VPS53: variants seen among roughly 807,000 people sequenced by gnomAD.
The protein encoded by VPS53 is VPS53 subunit of GARP complex.
In VPS53, 70 loss-of-function variants were observed where a neutral mutation model predicts 107.0. The observed-to-expected ratio is 0.65, with a 90% CI of 0.54 to 0.80. The LOEUF is 0.80. VPS53 is among the 30% of genes least tolerant of loss of function. The probability of loss-of-function intolerance (pLI) is 0.00; values close to 1 mark genes in which losing one functional copy is unlikely to be tolerated. For missense variants in VPS53, 917 were observed against 1,049.4 expected, an observed-to-expected ratio of 0.87 and a Z score of 1.74; for synonymous variants, 409 against 393.3, an observed-to-expected ratio of 1.04 and a Z score of -0.47.
At chr17:562,922 A>G (rs1174416018) in intron 13 of VPS53, among the ~76,000 whole-genome samples, 177 bp from the exon 14 acceptor site, 2 of 152,148 alleles carry the variant, frequency 1.3e-5, no homozygotes, top group African/African-American at 4.8e-5. Flanking sequence ...CCACTCCTAC[A>G]ACAGCAGTAA....
chr17:562,142 G>C (rs1212399601), intron 14 of VPS53, among the ~76,000 whole-genome samples: 1 of 152,202 alleles, frequency 6.6e-6, no homozygotes, highest in Non-Finnish European at 1.5e-5. Flanking sequence ...AAAGAGGCTT[G>C]GGTGAAACTG....
chr17:566,479 T>C, intron 13 of VPS53, among the ~76,000 whole-genome samples: 1 of 152,142 alleles, frequency 6.6e-6, no homozygotes, highest in Non-Finnish European at 1.5e-5. Context: ...CCGCCCGTCA[T>C]GCCAATGAGT....
chr17:658,672 C>T (rs1170035176), intron 5 of VPS53, among the ~76,000 whole-genome samples: 3 of 146,028 alleles, frequency 2.1e-5, no homozygotes, highest in Non-Finnish European at 4.5e-5. Flanking sequence ...TGGATAGATA[C>T]ATCCCACTGA....
At chr17:626,611 T>C (rs1969720343) in intron 10 of VPS53, among the ~76,000 whole-genome samples, 1 of 151,910 alleles carries the variant, frequency 6.6e-6, no homozygotes, top group Non-Finnish European at 1.5e-5. Flanking sequence ...TAAATGGAGG[T>C]GGCAGTGAGC....
chr17:599,021 C>T (rs1394969565), intron 12 of VPS53, among the ~76,000 whole-genome samples: 1 of 124,274 alleles, frequency 8.0e-6, no homozygotes, highest in African/African-American at 2.9e-5. Context: ...GCCCCCAACC[C>T]GGCCAGCCGC....
intron 4 of VPS53, among the ~76,000 whole-genome samples, chr17:672,926 C>T (rs978771932): frequency 3.9e-5 from 6 of 152,088 alleles, no homozygotes; most frequent in African/African-American, 1.4e-4. Context: ...TCCTGGCGAA[C>T]ACGGTGAAAC....
intron 13 of VPS53, among the ~76,000 whole-genome samples, chr17:571,667 C>T (rs906170602): frequency 1.3e-5 from 2 of 152,186 alleles, no homozygotes; most frequent in Non-Finnish European, 2.9e-5. Flanking sequence ...CTCAGCCTGC[C>T]GAGTGCCTGC....
chr17:670,233 A>G (rs1971880708), intron 4 of VPS53, among the ~76,000 whole-genome samples: 1 of 71,958 alleles, frequency 1.4e-5, no homozygotes, highest in South Asian at 4.4e-4. Flanking sequence ...GGCACTGGTG[A>G]ACTGGGCACT....
At chr17:560,250 G>C (rs2151849820) in intron 15 of VPS53, among the ~76,000 whole-genome samples, 176 bp downstream of exon 15, 1 of 152,364 alleles carries the variant, frequency 6.6e-6, no homozygotes. Flanking sequence ...CTTTCTGTAA[G>C]ACAGCTGCCT....
At position 520,438 on chromosome 17, in the gene VPS53, T is replaced by C. The variant is rs1179538942; in HGVS notation, c.2224-508A>G. ...GGCAAAAGGAGCTGGTATAAGTAAG[T>C]GGATTTCTGCAAAAACAAAAATGCC... On this transcript the variant is annotated intron_variant, in intron 20 of 21. Coordinates refer to ENST00000437048, the MANE Select transcript of VPS53 (RefSeq NM_001128159.3). This position sits in a 1 kb window ranked among gnomAD's most constrained non-coding sequence, Gnocchi z 4.4. Among the ~76,000 whole-genome samples, 1 of 152,222 alleles carries C rather than the reference T, an allele frequency of 6.6e-6. No homozygotes were observed. The highest frequency in any genetic ancestry group is 1.5e-5 in the Non-Finnish European group (1 of 68,032).
At chr17:609,550 T>G (rs1968745777) in intron 11 of VPS53, among the ~76,000 whole-genome samples, 1 of 152,194 alleles carries the variant, frequency 6.6e-6, no homozygotes, top group Admixed American at 6.5e-5. Context: ...GCTTTTTCTA[T>G]TTGGCAGAGT....
At chr17:664,945 T>A (rs1971617146) in intron 4 of VPS53, among the ~76,000 whole-genome samples, 1 of 152,152 alleles carries the variant, frequency 6.6e-6, no homozygotes, top group Admixed American at 6.5e-5. Flanking sequence ...GAGGACGGGC[T>A]TGACAGGCAG....
In VPS53 at chr17:608,617, CTTTTCTT is replaced by C. The variant is rs377052956; in HGVS notation, c.1117-6728_1117-6722del. 3.0e-3 allele frequency among the ~76,000 whole-genome samples: 411 copies of C among 135,868 alleles called. 4 individuals carry two copies. The highest frequency in any genetic ancestry group is 5.4e-3 in the African/African-American group (200 of 37,172). 89.1% of individuals were successfully genotyped at this position (135,868 alleles called of 152,430 possible). Reference sequence around the variant, plus strand: ...TATTTCTGCTTTTTTCTTTTCTTTTCTTTTCTTTTTTTTTTTGAAACAGAGCCTCACT... The same window carrying C: ...TATTTCTGCTTTTTTCTTTTCTTTTCTTTTTTTTTGAAACAGAGCCTCACT... On this transcript the variant is annotated intron_variant, in intron 11 of 21. Transcript: ENST00000437048.
At chr17:692,363 G>T (rs1247329249) in intron 4 of VPS53, among the ~76,000 whole-genome samples, 1 of 152,144 alleles carries the variant, frequency 6.6e-6, no homozygotes, top group Non-Finnish European at 1.5e-5. Context: ...GATTTCAACA[G>T]ATAAAAATGG....
chr17:508,987 C>T lies in VPS53; in HGVS notation c.*10141G>A, dbSNP rs1027752352. On this transcript the variant is annotated 3_prime_UTR_variant, in exon 22 of 22. Coordinates refer to ENST00000437048, the MANE Select transcript of VPS53 (RefSeq NM_001128159.3). ...AGGGAATCCAATGTAAAATTTTGTC[C>T]CATAAATTTGAAAACTGCTGGTGAA... 6.6e-6 allele frequency: 1 copy of T among 152,076 alleles called. No homozygotes were observed. Among genetic ancestry groups the T allele is most frequent in the African/African-American group, 2.4e-5 (1 of 41,368 alleles). The allele number at this position is 152,076 out of a possible 1,614,324, so 9.4% of individuals were successfully genotyped here.
At chr17:703,364 T>C (rs72477048) in intron 2 of VPS53, among the ~76,000 whole-genome samples, 14,072 of 140,222 alleles carry the variant, frequency 0.1, 820 homozygotes, top group East Asian at 0.22. Context: ...CTCTAGCATC[T>C]ACCTCTAACG....
chr17:701,167 T>TA lies in VPS53; in HGVS notation c.169-1788dup, dbSNP rs771066792. Reference sequence around the variant, plus strand: ...AGTGAGATCCCATCTCTCCAAAAAATAAAAAAAAGTTAGCCAGGCATGGTG... The same window carrying TA: ...AGTGAGATCCCATCTCTCCAAAAAATAAAAAAAAAGTTAGCCAGGCATGGTG... On this transcript the variant is annotated intron_variant, in intron 2 of 21. Transcript: ENST00000437048. 4.0e-4 allele frequency among the ~76,000 whole-genome samples: 61 copies of TA among 151,158 alleles called. No homozygotes were observed. In the East Asian group the frequency reaches 0.011, roughly 26 times the overall value.
At chr17:662,891 AAGGC>A (rs796978892) in intron 4 of VPS53, among the ~76,000 whole-genome samples, 14,983 of 136,754 alleles carry the variant, frequency 0.11, 885 homozygotes, top group Non-Finnish European at 0.12. Flanking sequence ...GGAAGGAAGG[AAGGC>A]AGGCAGGCAG....
chr17:661,337 T>C (rs375397650), intron 5 of VPS53, among the ~76,000 whole-genome samples: 1 of 151,432 alleles, frequency 6.6e-6, no homozygotes, highest in African/African-American at 2.4e-5. Flanking sequence ...CTGGCCAACA[T>C]GGTGAAACCC....
Sources: gnomAD v4.1 joint callset for allele counts (sites outside exome capture counted in the v4.1 genomes callset) on GRCh38, gnomAD v4.1.1 for gene constraint, Gnocchi (gnomAD v3.1) non-coding constraint, MANE v1.5 for transcripts, NCBI Gene and HGNC (gene_info 2026-07-23, HGNC 2026-07-21) for gene names.